Variants in NRXN1 observed in about 807,000 individuals in gnomAD.
NRXN1 encodes neurexin 1.
A neutral mutation model predicts 150.9 loss-of-function variants in NRXN1; 39 were observed. That is an observed-to-expected ratio of 0.26 (90% CI 0.20 to 0.34). The LOEUF (loss-of-function observed/expected upper bound fraction) is 0.34, where lower values mean the gene tolerates loss of function less well. NRXN1 is among the 10% of genes least tolerant of loss of function. The pLI is 1.00. For missense variants in NRXN1, 1,815 were observed against 1,949.9 expected, an observed-to-expected ratio of 0.93 and a Z score of 1.30; for synonymous variants, 924 against 757.0, an observed-to-expected ratio of 1.22 and a Z score of -3.62.
rs780931684 is a variant in NRXN1 at position 50,538,546 on chromosome 2, C to T, written c.1850G>A (p.Gly617Glu). 6.3e-7 allele frequency: 1 copy of T among 1,584,620 alleles called. No individual in the cohort carries two copies. Among genetic ancestry groups the T allele is most frequent in the Non-Finnish European group, 8.6e-7 (1 of 1,163,560 alleles). Reference protein sequence around the residue: ...LDLDDELYLGGLPENKAGLVF... With the variant: ...LDLDDELYLGELPENKAGLVF... ...AAGGCCAGCTTTATTTTCTGGCAGC[C>T]CCCCCAGGTACAACTCATCATCCAG... is the stretch of plus-strand genomic sequence containing the variant. The change falls in exon 10 of 23, where the codon GGG becomes GAG. Residue 617 changes from glycine to glutamate, a missense_variant. By Grantham distance (98) the Gly-to-Glu change is moderately conservative (BLOSUM62 -2). Transcript: ENST00000401669.
intron 15 of NRXN1, among the ~76,000 whole-genome samples, chr2:50,488,853 C>T (rs1336976456): frequency 6.6e-6 from 1 of 152,168 alleles, no homozygotes; most frequent in Admixed American, 6.5e-5. Flanking sequence ...ACAAGAAGCT[C>T]GAATTCTAAG....
At chr2:50,458,744 TA>T (rs969217311) in intron 17 of NRXN1, among the ~76,000 whole-genome samples, 33 of 152,210 alleles carry the variant, frequency 2.2e-4, no homozygotes, top group African/African-American at 7.7e-4. Context: ...CAGGCCCAGC[TA>T]ATTTTTTTGT....
rs530678238 is a variant in NRXN1 at position 50,510,141 on chromosome 2, G to T, written c.2375-3524C>A. On this transcript the variant is annotated intron_variant, in intron 12 of 22. Transcript: ENST00000401669. Reference sequence around the variant, plus strand: ...GCCATCCAATCTATGGTATTCTGTTGTAACAGCCCAAGAAGACTAACACAG... The same window carrying T: ...GCCATCCAATCTATGGTATTCTGTTTTAACAGCCCAAGAAGACTAACACAG... Among the ~76,000 whole-genome samples, 33 of 152,238 alleles carry T rather than the reference G, an allele frequency of 2.2e-4. No homozygotes were observed. The Middle Eastern group carries it at 0.01, about 47-fold the overall frequency.
In NRXN1 at chr2:50,346,064, G is replaced by C. The variant is rs1325033207; in HGVS notation, c.3365-109094C>G. The stretch of plus-strand genomic sequence containing the variant: ...TCCCCTCCATGCCTGCGAAGGGCTG[G>C]CCCGCATTAAAGGGGATGACTCGGT... On this transcript the variant is annotated intron_variant, in intron 17 of 22. Coordinates refer to ENST00000401669, the MANE Select transcript of NRXN1 (RefSeq NM_001330078.2). The surrounding 1 kb of genome is among the most constrained non-coding windows in gnomAD (Gnocchi z 5.0). 2.0e-5 allele frequency among the ~76,000 whole-genome samples: 3 copies of C among 152,202 alleles called. No individual in the cohort carries two copies. The highest frequency in any genetic ancestry group is 2.0e-4 in the Admixed American group (3 of 15,280).
At chr2:50,169,286 A>G (rs1033077331) in intron 18 of NRXN1, among the ~76,000 whole-genome samples, 3 of 152,170 alleles carry the variant, frequency 2.0e-5, no homozygotes, top group African/African-American at 7.2e-5. Context: ...ATACCACTCT[A>G]TTGTAGCTAT....
chr2:50,168,583 G>A (rs1009438532), intron 18 of NRXN1, among the ~76,000 whole-genome samples: 1 of 152,096 alleles, frequency 6.6e-6, no homozygotes, highest in Non-Finnish European at 1.5e-5. Context: ...TGTTGATAAC[G>A]AATCAATTGG....
At chr2:50,457,022 G>C (rs1187038918) in intron 17 of NRXN1, among the ~76,000 whole-genome samples, 2 of 152,224 alleles carry the variant, frequency 1.3e-5, no homozygotes, top group Non-Finnish European at 1.5e-5. Flanking sequence ...GAAGTATTTT[G>C]TCTGATTTCA....
chr2:50,539,717 A>C (rs2093347500), intron 9 of NRXN1, among the ~76,000 whole-genome samples: 1 of 152,172 alleles, frequency 6.6e-6, no homozygotes, highest in Non-Finnish European at 1.5e-5. Flanking sequence ...GATTATAAGA[A>C]AGGATAGGAA....
chr2:50,506,207 A>G (rs1344710950), intron 13 of NRXN1, among the ~76,000 whole-genome samples: 5 of 152,276 alleles, frequency 3.3e-5, no homozygotes, highest in African/African-American at 1.2e-4. Context: ...TGACTGCAAT[A>G]TTTGATGAGG....
chr2:50,175,416 A>C (rs1423264283), intron 18 of NRXN1, among the ~76,000 whole-genome samples: 2 of 152,050 alleles, frequency 1.3e-5, no homozygotes, highest in African/African-American at 4.8e-5. Context: ...CTGACACTTC[A>C]TTTTCCCTTT....
chr2:50,254,701 G>C (rs1286797068), intron 17 of NRXN1, among the ~76,000 whole-genome samples: 1 of 151,974 alleles, frequency 6.6e-6, no homozygotes, highest in Non-Finnish European at 1.5e-5. Context: ...ATATAACTTT[G>C]GTTTGTTTGT....
chr2:50,604,343 C>G lies in NRXN1; in HGVS notation c.1320+15679G>C, dbSNP rs545987383. ...GGACATGAAGCTGCAGTTTAATAAG[C>G]TCTCAGATGATGCTTATGCACAAAA... On this transcript the variant is annotated intron_variant, in intron 8 of 22. Coordinates refer to ENST00000401669, the MANE Select transcript of NRXN1 (RefSeq NM_001330078.2). Among the ~76,000 whole-genome samples, 4 of 152,258 alleles carry G rather than the reference C, an allele frequency of 2.6e-5. No individual in the cohort carries two copies. In the East Asian group the frequency reaches 7.7e-4, roughly 29 times the overall value.
rs547222046 is a variant in NRXN1 at position 50,569,714 on chromosome 2, A to ACTAATT, written c.1321-16695_1321-16690dup. Among the ~76,000 whole-genome samples, 374 of 152,270 alleles carry ACTAATT rather than the reference A, an allele frequency of 2.5e-3. 3 individuals carry two copies. Among genetic ancestry groups the ACTAATT allele is most frequent in the African/African-American group, 8.7e-3 (363 of 41,568 alleles). ...GTATTTTTATAAAATTGTGATGGAT[A>ACTAATT]CTAATTCTGCAGCTCACAGGCATTG... On this transcript the variant is annotated intron_variant, in intron 8 of 22. Transcript: ENST00000401669.
intron 17 of NRXN1, among the ~76,000 whole-genome samples, chr2:50,454,411 A>T (rs1235073178): frequency 6.6e-6 from 1 of 152,044 alleles, no homozygotes; most frequent in African/African-American, 2.4e-5. Flanking sequence ...GAAAATAGAA[A>T]ATGTTTGCTA....
intron 17 of NRXN1, among the ~76,000 whole-genome samples, chr2:50,378,337 T>C (rs980823797): frequency 1.3e-5 from 2 of 152,166 alleles, no homozygotes; most frequent in Admixed American, 6.6e-5. Context: ...CCTGATAAAC[T>C]CATCGTAAGT....
intron 8 of NRXN1, among the ~76,000 whole-genome samples, chr2:50,608,488 CT>C (rs1227533710): frequency 1.1e-4 from 17 of 152,036 alleles, no homozygotes; most frequent in Admixed American, 1.1e-3. Context: ...TGTTCATGGG[CT>C]TTATTTCCTT....
At chr2:50,958,147 T>C (rs1299624264) in intron 2 of NRXN1, among the ~76,000 whole-genome samples, 2 of 152,124 alleles carry the variant, frequency 1.3e-5, no homozygotes, top group Non-Finnish European at 2.9e-5. Context: ...AATGGGACCA[T>C]TTTCCTGGAA....
At chr2:50,746,174 AT>A (rs1378011472) in intron 5 of NRXN1, among the ~76,000 whole-genome samples, 1 of 152,090 alleles carries the variant, frequency 6.6e-6, no homozygotes, top group African/African-American at 2.4e-5. Flanking sequence ...GTTGTACATT[AT>A]TACCTACCTC....
chr2:50,215,471 G>A (rs1376478803), intron 18 of NRXN1, among the ~76,000 whole-genome samples: 1 of 151,658 alleles, frequency 6.6e-6, no homozygotes. Flanking sequence ...AATATTACTG[G>A]GTGAAAACAT....
Sources: gnomAD v4.1 joint callset for allele counts (sites outside exome capture counted in the v4.1 genomes callset) on GRCh38, gnomAD v4.1.1 for gene constraint, Gnocchi (gnomAD v3.1) non-coding constraint, MANE v1.5 for transcripts, NCBI Gene and HGNC (gene_info 2026-07-23, HGNC 2026-07-21) for gene names.